SUPT3H: variants seen among roughly 807,000 people sequenced by gnomAD.
The protein encoded by SUPT3H is SPT3 homolog, SAGA and STAGA complex component.
Under a neutral mutation model 44.3 loss-of-function variants are expected in SUPT3H, and 44 were observed. The ratio of observed to expected loss-of-function variants is 0.99; its 90% CI spans 0.78 to 1.28. SUPT3H has a LOEUF of 1.28. Among genes scored for constraint, SUPT3H ranks in the 50% most tolerant of loss-of-function variants. The probability of loss-of-function intolerance (pLI) is 0.00; values close to 1 mark genes in which losing one functional copy is unlikely to be tolerated. For missense variants in SUPT3H, 380 were observed against 387.1 expected (o/e 0.98, Z 0.15); for synonymous variants, 124 against 125.6 (o/e 0.99, Z 0.09).
intron 3 of SUPT3H, among the ~76,000 whole-genome samples, chr6:45,079,344 G>C (rs1795453514): frequency 6.7e-6 from 1 of 148,982 alleles, no homozygotes; most frequent in Non-Finnish European, 1.5e-5. Context: ...TCAGCAAAAA[G>C]GAAGAAAAAG....
chr6:45,090,371 T>TTA (rs1366432351), intron 3 of SUPT3H, among the ~76,000 whole-genome samples: 1 of 152,082 alleles, frequency 6.6e-6, no homozygotes, highest in East Asian at 1.9e-4. Context: ...CATTCTTGTC[T>TTA]TATAAAAAAC....
intron 2 of SUPT3H, among the ~76,000 whole-genome samples, chr6:45,208,151 T>G (rs763905091): frequency 2.6e-4 from 40 of 152,154 alleles, no homozygotes; most frequent in Non-Finnish European, 4.7e-4. Context: ...GGAGAAAGTT[T>G]TAGTGGTCTG....
At chr6:44,923,707 A>G (rs1262832127) in intron 10 of SUPT3H, among the ~76,000 whole-genome samples, 4 of 152,104 alleles carry the variant, frequency 2.6e-5, no homozygotes, top group African/African-American at 9.7e-5. Context: ...TTCAAAACAG[A>G]ACTGAATAAT....
At chr6:44,884,607 A>G (rs755274254) in intron 10 of SUPT3H, among the ~76,000 whole-genome samples, 3 of 152,188 alleles carry the variant, frequency 2.0e-5, no homozygotes, top group Admixed American at 6.5e-5. Flanking sequence ...TCAATGATAG[A>G]CTGGATAAAG....
intron 2 of SUPT3H, among the ~76,000 whole-genome samples, chr6:45,282,054 A>C (rs1298140350): frequency 6.6e-6 from 1 of 152,208 alleles, no homozygotes; most frequent in Non-Finnish European, 1.5e-5. Flanking sequence ...AAACTAACAA[A>C]CAGAAAGGAC....
chr6:44,949,247 G>A (rs1327441846), intron 9 of SUPT3H, among the ~76,000 whole-genome samples: 2 of 152,054 alleles, frequency 1.3e-5, no homozygotes, highest in African/African-American at 2.4e-5. Flanking sequence ...TTGTGGGGTG[G>A]GGGGAATGGG....
At chr6:44,960,419 CAA>C (rs752377751) in intron 7 of SUPT3H, among the ~76,000 whole-genome samples, 5 of 91,236 alleles carry the variant, frequency 5.5e-5, no homozygotes, top group Non-Finnish European at 6.3e-5. Context: ...GATTCCATCT[CAA>C]AAAAAAAAAA....
intron 2 of SUPT3H, among the ~76,000 whole-genome samples, chr6:45,108,348 T>A (rs1453974574): frequency 6.6e-6 from 1 of 152,170 alleles, no homozygotes; most frequent in African/African-American, 2.4e-5. Context: ...CATGGCGGCA[T>A]GCACCTGTAG....
chr6:44,998,981 A>G (rs182597169), intron 6 of SUPT3H, among the ~76,000 whole-genome samples: 362 of 152,128 alleles, frequency 2.4e-3, no homozygotes, highest in African/African-American at 8.0e-3. Flanking sequence ...AGTCTGTGAC[A>G]GTACAGTTAA....
At chr6:44,895,723 G>A (rs1764028225) in intron 10 of SUPT3H, among the ~76,000 whole-genome samples, 1 of 152,012 alleles carries the variant, frequency 6.6e-6, no homozygotes, top group Non-Finnish European at 1.5e-5. Flanking sequence ...CTTACCCAGG[G>A]CAGAACCACA....
At chr6:45,204,058 C>A (rs1328445912) in intron 2 of SUPT3H, among the ~76,000 whole-genome samples, 2 of 151,968 alleles carry the variant, frequency 1.3e-5, no homozygotes, top group African/African-American at 4.8e-5. Context: ...GACCAGCTGG[C>A]CAACATTGTG....
At chr6:45,302,348 A>G (rs770004338) in intron 2 of SUPT3H, among the ~76,000 whole-genome samples, 25 of 151,700 alleles carry the variant, frequency 1.6e-4, no homozygotes, top group Admixed American at 5.9e-4. Flanking sequence ...GAGTGAGAAT[A>G]TACAATGTTT....
chr6:44,937,218 G>A (rs571386599), intron 9 of SUPT3H, among the ~76,000 whole-genome samples: 29 of 152,088 alleles, frequency 1.9e-4, no homozygotes, highest in South Asian at 6.2e-4. Context: ...CTGGCCAGGC[G>A]CAGTGGCTCA....
chr6:44,918,193 T>TG, intron 10 of SUPT3H, among the ~76,000 whole-genome samples: 1 of 152,198 alleles, frequency 6.6e-6, no homozygotes, highest in Non-Finnish European at 1.5e-5. Context: ...CTAAGCCACC[T>TG]GGTTTTCTCC....
At chr6:45,339,063 G>A (rs1789205570) in intron 2 of SUPT3H, among the ~76,000 whole-genome samples, 1 of 152,100 alleles carries the variant, frequency 6.6e-6, no homozygotes, top group Admixed American at 6.5e-5. Flanking sequence ...TTACATTAAA[G>A]AAGACATACT....
At chr6:44,955,170 C>T (rs1016343991) in intron 7 of SUPT3H, 4 of 154,116 alleles carry the variant, frequency 2.6e-5, no homozygotes, top group African/African-American at 7.2e-5. Flanking sequence ...ACACTGTGAA[C>T]TTTTGCTCCA....
At chr6:45,073,592 A>C (rs1489834686) in intron 3 of SUPT3H, among the ~76,000 whole-genome samples, 2 of 151,970 alleles carry the variant, frequency 1.3e-5, no homozygotes. Flanking sequence ...ATGACTAGGA[A>C]ATTTTATATA....
At chr6:45,128,033 C>A (rs1802704675) in intron 2 of SUPT3H, among the ~76,000 whole-genome samples, 1 of 151,910 alleles carries the variant, frequency 6.6e-6, no homozygotes, top group Non-Finnish European at 1.5e-5. Flanking sequence ...ATCATTATAC[C>A]CCTCTTTATT....
chr6:45,200,153 T>C (rs1181409356), intron 2 of SUPT3H, among the ~76,000 whole-genome samples: 1 of 151,502 alleles, frequency 6.6e-6, no homozygotes, highest in African/African-American at 2.4e-5. Context: ...TTTTGAAAAT[T>C]AATTAGTAAC....
Sources: allele counts gnomAD v4.1 joint callset (sites outside exome capture counted in the v4.1 genomes callset), GRCh38; gene constraint gnomAD v4.1.1; transcripts MANE v1.5; gene names NCBI Gene and HGNC (gene_info 2026-07-23, HGNC 2026-07-21).